CHCHD3: variants seen among roughly 807,000 people sequenced by gnomAD.
CHCHD3 encodes the protein MICOS complex subunit MIC19.
Under a neutral mutation model 38.2 loss-of-function variants are expected in CHCHD3, and 20 were observed. The observed-to-expected ratio is 0.52, with a 90% CI of 0.37 to 0.76. CHCHD3 has a LOEUF of 0.76. Ranked by LOEUF, CHCHD3 falls within the 30% of genes least tolerant of loss-of-function variation. The pLI is 0.00. For missense variants in CHCHD3, 245 were observed against 279.2 expected, an observed-to-expected ratio of 0.88 and a Z score of 0.87; for synonymous variants, 82 against 100.0, an observed-to-expected ratio of 0.82 and a Z score of 1.07.
In CHCHD3 at chr7:132,855,182, A is replaced by G. The variant is rs541811150; in HGVS notation, c.454-16713T>C. ...CTTAGGTCTTGAGGTTTAAAATATT[A>G]TAGTTCTTTCAGTACAAAGCAGTAG... On this transcript the variant is annotated intron_variant, in intron 5 of 7. Transcript: ENST00000262570. Among the ~76,000 whole-genome samples, 31 of 152,304 alleles carry G rather than the reference A, an allele frequency of 2.0e-4. No individual in the cohort carries two copies. In the South Asian group the frequency reaches 4.4e-3, roughly 21 times the overall value.
At chr7:133,033,982 G>A (rs1357227794) in intron 2 of CHCHD3, among the ~76,000 whole-genome samples, 1 of 152,064 alleles carries the variant, frequency 6.6e-6, no homozygotes, top group Non-Finnish European at 1.5e-5. Context: ...ACAGATGCCA[G>A]AAACAGATTA....
intron 5 of CHCHD3, among the ~76,000 whole-genome samples, chr7:132,870,834 C>A (rs1005804162): frequency 2.6e-5 from 4 of 152,016 alleles, no homozygotes; most frequent in Non-Finnish European, 1.5e-5. Flanking sequence ...CTTTCCCAAC[C>A]ACGTAAAAAC....
intron 3 of CHCHD3, among the ~76,000 whole-genome samples, chr7:133,013,432 T>C (rs1472467955): frequency 1.3e-5 from 2 of 152,194 alleles, no homozygotes; most frequent in East Asian, 3.9e-4. Context: ...GGTCAGAACC[T>C]GCCCCATAGG....
rs986902793 is a variant in CHCHD3 at position 133,027,191 on chromosome 7, G to A, written c.170-2564C>T. ...TGACCTCAGGTGATCTGTCCACCTC[G>A]ACCACCCAAAGTGCTGGGATTACAG... On this transcript the variant is annotated intron_variant, in intron 2 of 7. Coordinates refer to ENST00000262570, the MANE Select transcript of CHCHD3 (RefSeq NM_017812.4). Among the ~76,000 whole-genome samples, 10 of 151,432 alleles carry A rather than the reference G, an allele frequency of 6.6e-5. 1 individual carries two copies. The highest frequency in any genetic ancestry group is 3.9e-4 in the East Asian group (2 of 5,162).
At chr7:133,030,976 A>G (rs1034611559) in intron 2 of CHCHD3, among the ~76,000 whole-genome samples, 22 of 152,194 alleles carry the variant, frequency 1.4e-4, no homozygotes, top group Non-Finnish European at 2.8e-4. Flanking sequence ...TTTACTAAAC[A>G]ATATTCTAAA....
At chr7:132,934,470 C>T (rs1006139835) in intron 4 of CHCHD3, among the ~76,000 whole-genome samples, 1 of 152,200 alleles carries the variant, frequency 6.6e-6, no homozygotes, top group African/African-American at 2.4e-5. Flanking sequence ...TCTGACCCCA[C>T]ATCGCTGTTC....
intron 4 of CHCHD3, among the ~76,000 whole-genome samples, chr7:132,930,490 A>C (rs1810488394): frequency 6.6e-6 from 1 of 151,872 alleles, no homozygotes; most frequent in South Asian, 2.1e-4. Flanking sequence ...TTTCATTCCA[A>C]CCTCAGCAAT....
intron 4 of CHCHD3, among the ~76,000 whole-genome samples, chr7:132,952,268 G>A (rs1210051045): frequency 6.6e-6 from 1 of 152,192 alleles, no homozygotes; most frequent in Non-Finnish European, 1.5e-5. Context: ...AAATACACAT[G>A]CCTAGGTCCC....
intron 4 of CHCHD3, among the ~76,000 whole-genome samples, chr7:132,967,766 G>A (rs1811508262): frequency 5.3e-5 from 8 of 151,440 alleles, no homozygotes; most frequent in Admixed American, 3.9e-4. Context: ...GGAGGTCAAG[G>A]CTGCAATGAG....
chr7:133,069,697 AGACT>A (rs1394657941), intron 2 of CHCHD3, among the ~76,000 whole-genome samples: 1 of 152,254 alleles, frequency 6.6e-6, no homozygotes, highest in Non-Finnish European at 1.5e-5. Flanking sequence ...TCAATAACTA[AGACT>A]GACTGTGACA....
chr7:133,059,554 G>A (rs963156987), intron 2 of CHCHD3, among the ~76,000 whole-genome samples: 1 of 152,158 alleles, frequency 6.6e-6, no homozygotes, highest in African/African-American at 2.4e-5. Flanking sequence ...GTAACTAGGA[G>A]GAGGACATGA....
intron 2 of CHCHD3, among the ~76,000 whole-genome samples, chr7:133,026,663 T>C (rs1218229147): frequency 6.6e-6 from 1 of 152,226 alleles, no homozygotes; most frequent in Non-Finnish European, 1.5e-5. Context: ...CAAAATGTGG[T>C]ATATCCATTC....
At chr7:133,013,651 C>T (rs1484642108) in intron 3 of CHCHD3, among the ~76,000 whole-genome samples, 2 of 151,906 alleles carry the variant, frequency 1.3e-5, no homozygotes, top group African/African-American at 4.8e-5. Context: ...TCTATATATG[C>T]TGACATGGGA....
At chr7:133,045,821 T>G (rs560698442) in intron 2 of CHCHD3, among the ~76,000 whole-genome samples, 1 of 152,178 alleles carries the variant, frequency 6.6e-6, no homozygotes, top group South Asian at 2.1e-4. Context: ...TCTCATGAGA[T>G]CTAGTCGTTT....
At chr7:132,803,245 C>A (rs1288473152) in intron 6 of CHCHD3, among the ~76,000 whole-genome samples, 1 of 151,998 alleles carries the variant, frequency 6.6e-6, no homozygotes, top group African/African-American at 2.4e-5. Flanking sequence ...CTGTTAAATC[C>A]GAATCTCCAA....
chr7:132,892,548 C>A lies in CHCHD3; in HGVS notation c.370-6803G>T, dbSNP rs143730956. Among the ~76,000 whole-genome samples, 237 of 152,284 alleles carry A rather than the reference C, an allele frequency of 1.6e-3. 2 individuals carry two copies. Among genetic ancestry groups the A allele is most frequent in the African/African-American group, 5.6e-3 (233 of 41,556 alleles). ...AAAGATTTGTAAGATTAACAAGGAG[C>A]TGAATGTTAATCACCAAGACAATGG... On this transcript the variant is annotated intron_variant, in intron 4 of 7. Coordinates refer to ENST00000262570, the MANE Select transcript of CHCHD3 (RefSeq NM_017812.4).
At chr7:132,890,851 C>T (rs532321351) in intron 4 of CHCHD3, among the ~76,000 whole-genome samples, 1 of 152,282 alleles carries the variant, frequency 6.6e-6, no homozygotes, top group African/African-American at 2.4e-5. Context: ...AAAGACTAAT[C>T]TTTCACTATA....
chr7:132,822,198 A>G (rs1458646759), intron 6 of CHCHD3, among the ~76,000 whole-genome samples: 1 of 152,100 alleles, frequency 6.6e-6, no homozygotes, highest in Non-Finnish European at 1.5e-5. Context: ...TCACTTTCCA[A>G]ATGTTCAAAA....
chr7:132,801,775 C>T (rs1004396046), intron 6 of CHCHD3, among the ~76,000 whole-genome samples: 1 of 152,198 alleles, frequency 6.6e-6, no homozygotes, highest in Non-Finnish European at 1.5e-5. Flanking sequence ...ATCCTATAAA[C>T]CCAAGGTTTG....
Sources: gnomAD v4.1 joint callset for allele counts (sites outside exome capture counted in the v4.1 genomes callset) on GRCh38, gnomAD v4.1.1 for gene constraint, MANE v1.5 for transcripts, NCBI Gene and HGNC (gene_info 2026-07-23, HGNC 2026-07-21) for gene names.